Variants in TNRC18 observed in about 807,000 individuals in gnomAD.
TNRC18 encodes trinucleotide repeat containing 18, also known as trinucleotide repeat-containing gene 18 protein.
In TNRC18, 69 loss-of-function variants were observed where a neutral mutation model predicts 226.7. That is an observed-to-expected ratio of 0.30 (90% CI 0.25 to 0.37). The LOEUF (loss-of-function observed/expected upper bound fraction) is 0.37. Among genes scored for constraint, TNRC18 ranks in the 10% least tolerant of loss-of-function variants. The pLI is 1.00. For missense variants in TNRC18, 4,754 were observed against 4,256.6 expected, an observed-to-expected ratio of 1.12 and a Z score of -3.25; for synonymous variants, 2,449 against 1,927.6, an observed-to-expected ratio of 1.27 and a Z score of -7.09.
In TNRC18 at chr7:5,376,913, G is replaced by A; in HGVS notation, c.2542C>T (p.Gln848Ter). 6.2e-7 allele frequency: 1 copy of A among 1,607,890 alleles called. No individual in the cohort carries two copies. Among genetic ancestry groups the A allele is most frequent in the Non-Finnish European group, 8.5e-7 (1 of 1,177,248 alleles). The change falls in exon 8 of 30, where the codon CAG becomes TAG. Residue 848 changes from glutamine (Q) to a stop codon, truncating the protein, a stop_gained. Coordinates refer to ENST00000430969, the MANE Select transcript of TNRC18 (RefSeq NM_001080495.3). LOFTEE classifies it high-confidence loss of function. ...CCCGATTGGGGGTCCCTGACAAACTGGTAGGCTGACGGGAGGGAGCCCCCC... is the reference window on the plus strand; with the variant it reads ...CCCGATTGGGGGTCCCTGACAAACTAGTAGGCTGACGGGAGGGAGCCCCCC... ...GLGGSLPSAY[Q>*]FVRDPQSGQL...
intron 17 of TNRC18, among the ~76,000 whole-genome samples, chr7:5,351,533 GGAGA>G (rs1791815461): frequency 6.6e-6 from 1 of 152,138 alleles, no homozygotes; most frequent in African/African-American, 2.4e-5. Flanking sequence ...GAGGGCAAGT[GGAGA>G]GAAACGCAGA....
chr7:5,387,997 C>G lies in TNRC18; in HGVS notation c.1827G>C (p.Lys609Asn), dbSNP rs553905586. ...AVAVRPGGCG[K>N]KSPFGGLGTM... ...TGCCCAAACCTCCAAAGGGGCTCTT[C>G]TTGCCACAGCCACCAGGGCGCACGG... Residue 609 changes from lysine to asparagine, a missense_variant, in exon 5 of 30, where the codon AAG (lysine) becomes AAC (asparagine). Lys to Asn is a moderately conservative substitution (Grantham distance 94, BLOSUM62 0). Coordinates refer to ENST00000430969, the MANE Select transcript of TNRC18 (RefSeq NM_001080495.3). 6.3e-6 allele frequency: 10 copies of G among 1,587,726 alleles called. No homozygotes were observed. The African/African-American group carries it at 9.4e-5, about 15-fold the overall frequency.
chr7:5,361,042 C>T (rs1002628111), intron 14 of TNRC18, among the ~76,000 whole-genome samples: 3 of 152,190 alleles, frequency 2.0e-5, no homozygotes, highest in South Asian at 2.1e-4. Context: ...TTTCTGTGCA[C>T]GCCTCGCCCT....
At chr7:5,399,100 C>A (rs1210232117) in intron 2 of TNRC18, among the ~76,000 whole-genome samples, 1 of 152,174 alleles carries the variant, frequency 6.6e-6, no homozygotes, top group Non-Finnish European at 1.5e-5. Flanking sequence ...ATACTCCAAG[C>A]CCCCACAGTG....
Position 5,390,548 on chromosome 7 carries a change from G to A in TNRC18, c.424C>T (p.Leu142Phe), listed in dbSNP as rs376212123. ...CTGGGCTGACCCAGCTGGCTGAGGA[G>A]GGGGCTCCCACTGCTGGGGGGCTCC... ...HLEPPSSGSP[L>F]LSQLGQPSIF... is the part of the protein sequence containing the mutation. The change falls in exon 4 of 30, where the codon CTC becomes TTC. Residue 142 changes from leucine (L) to phenylalanine (F), a missense_variant. Physicochemically the swap from Leu to Phe is conservative, Grantham distance 22. Transcript: ENST00000430969. 11 of 1,613,488 alleles carry A rather than the reference G, an allele frequency of 6.8e-6. No individual in the cohort carries two copies. The East Asian group carries it at 1.3e-4, about 20-fold the overall frequency.
In TNRC18 at chr7:5,345,546, A is replaced by ACCCC; in HGVS notation, c.5719+15_5719+16insGGGG. On this transcript the variant is annotated intron_variant, in intron 18 of 29. Transcript: ENST00000430969. ...CTCCCACCCACCCCCACCGCAGCCC[A>ACCCC]CCTGCTGCCACTTACCCAGCAGGCT... is the stretch of plus-strand genomic sequence containing the variant. 3 of 183,202 alleles carry ACCCC rather than the reference A, an allele frequency of 1.6e-5. No individual in the cohort carries two copies. The highest frequency in any genetic ancestry group is 4.6e-5 in the South Asian group (1 of 21,670). 11.3% of individuals were successfully genotyped at this position (183,202 alleles called of 1,614,324 possible).
At chr7:5,347,989 TA>T (rs1401797159) in intron 17 of TNRC18, among the ~76,000 whole-genome samples, 3 of 151,974 alleles carry the variant, frequency 2.0e-5, no homozygotes, top group African/African-American at 4.8e-5. Context: ...TTTAAAAACA[TA>T]AAGAAGCCCC....
chr7:5,346,420 C>T lies in TNRC18; in HGVS notation c.5471-610G>A, dbSNP rs573136282. Among the ~76,000 whole-genome samples the T allele has an allele frequency of 6.6e-5, 10 of 152,230 alleles. No homozygotes were observed. In the East Asian group the frequency reaches 1.2e-3, roughly 18 times the overall value. ...GTCGACTCCTGGCATCGCTTGAACC[C>T]GGGAGGCGGAGGTTGCAGTGAGCTG... On this transcript the variant is annotated intron_variant, in intron 17 of 29. Coordinates refer to ENST00000430969, the MANE Select transcript of TNRC18 (RefSeq NM_001080495.3).
At chr7:5,398,470 A>T (rs1253874735) in intron 2 of TNRC18, among the ~76,000 whole-genome samples, 1 of 148,786 alleles carries the variant, frequency 6.7e-6, no homozygotes, top group Non-Finnish European at 1.5e-5. Flanking sequence ...GTGCCTGGCC[A>T]CCCAGCTAAT....
Position 5,351,957 on chromosome 7 carries a change from T to G in TNRC18, c.5332A>C (p.Thr1778Pro), listed in dbSNP as rs1293024909. The G allele has an allele frequency of 6.2e-7, 1 of 1,613,932 alleles. No individual in the cohort carries two copies. The highest frequency in any genetic ancestry group is 8.5e-7 in the Non-Finnish European group (1 of 1,179,882). Residue 1778 changes from threonine (T) to proline (P), a missense_variant, in exon 17 of 30, where the codon ACC (threonine) becomes CCC (proline). By Grantham distance (38) the Thr-to-Pro change is conservative (BLOSUM62 -1). Transcript: ENST00000430969. Reference sequence around the variant, plus strand: ...CGGGGGGCCGCCAGGCCCCTCTTGGTCAGCTTGGGGCCACCAGCTGCCTTG... The same window carrying G: ...CGGGGGGCCGCCAGGCCCCTCTTGGGCAGCTTGGGGCCACCAGCTGCCTTG... Reference protein sequence around the residue: ...NSKAAGGPKLTKRGLAAPRTL... With the variant: ...NSKAAGGPKLPKRGLAAPRTL...
chr7:5,335,846 A>AT (rs1790047821), intron 18 of TNRC18, among the ~76,000 whole-genome samples: 1 of 32,354 alleles, frequency 3.1e-5, no homozygotes, highest in African/African-American at 6.5e-5. Flanking sequence ...AAAAAAAAAA[A>AT]AAAAAAAAAA....
Position 5,390,842 on chromosome 7 carries a change from T to C in TNRC18, c.344-214A>G, listed in dbSNP as rs74903768. Among the ~76,000 whole-genome samples the C allele has an allele frequency of 0.17, 26,198 of 151,810 alleles. 3,735 individuals are homozygous for C. The highest frequency in any genetic ancestry group is 0.39 in the African/African-American group (16,005 of 41,304). On this transcript the variant is annotated intron_variant, in intron 3 of 29. Transcript: ENST00000430969. ...GCAGCCCTCACGGGGGACTGGGGTC[T>C]CCAGTCCCCCCCAGAAAGAGGATCA...
chr7:5,334,791 A>G (rs1163422464), intron 18 of TNRC18, among the ~76,000 whole-genome samples: 1 of 152,088 alleles, frequency 6.6e-6, no homozygotes, highest in East Asian at 1.9e-4. Context: ...TGTATGGTGC[A>G]GGGAGGGACA....
rs1779991371 is a variant in TNRC18, at chr7:5,388,457, G to A, written c.1367C>T (p.Pro456Leu). 13 of 1,446,302 alleles carry A rather than the reference G, an allele frequency of 9.0e-6. No homozygotes were observed. The highest frequency in any genetic ancestry group is 1.2e-5 in the Non-Finnish European group (13 of 1,112,186). The allele number at this position is 1,446,302 out of a possible 1,614,324, so 89.6% of individuals were successfully genotyped here. A position where few individuals can be genotyped will look rare whatever the true frequency, so the allele number is the denominator to read the frequency against. Residue 456 changes from proline (P) to leucine (L), a missense_variant, in exon 5 of 30, where the codon CCC becomes CTC. Transcript: ENST00000430969. ...CTCCTTGGCAGGCACGTAGGCGCGG[G>A]GGTCCGGGGAGGCGCGTGTGGCCCG... is the stretch of plus-strand genomic sequence containing the variant. ...TVRATRASPD[P>L]RAYVPAKELL...
intron 17 of TNRC18, among the ~76,000 whole-genome samples, chr7:5,350,799 C>A (rs910317919): frequency 6.6e-6 from 1 of 152,146 alleles, no homozygotes; most frequent in South Asian, 2.1e-4. Flanking sequence ...TGGCTGAGGA[C>A]CCCGGGCTGG....
chr7:5,327,612 GA>G (rs1022645009), intron 19 of TNRC18, among the ~76,000 whole-genome samples: 1 of 149,644 alleles, frequency 6.7e-6, no homozygotes, highest in Non-Finnish European at 1.5e-5. Context: ...AATGACAGCA[GA>G]AAAAAAAAGG....
Position 5,396,561 on chromosome 7 carries a change from C to G in TNRC18, c.188-1966G>C, listed in dbSNP as rs530445833. Among the ~76,000 whole-genome samples, 60 of 152,254 alleles carry G rather than the reference C, an allele frequency of 3.9e-4. No individual in the cohort carries two copies. In the South Asian group the frequency reaches 4.4e-3, roughly 11 times the overall value. The stretch of plus-strand genomic sequence containing the variant: ...AAATAATAACAATAACCAGCCATGG[C>G]ACCCATTCGCTAAAAGCTGGAATGC... On this transcript the variant is annotated intron_variant, in intron 2 of 29. Coordinates refer to ENST00000430969, the MANE Select transcript of TNRC18 (RefSeq NM_001080495.3).
chr7:5,361,500 T>C (rs1793044654), intron 14 of TNRC18, 94 bp downstream of exon 14: 2 of 1,378,226 alleles, frequency 1.5e-6, no homozygotes, highest in Admixed American at 6.3e-5. Context: ...GGACGCGAGG[T>C]CCCCCAGCAC....
chr7:5,418,510 G>C (rs968240835), intron 2 of TNRC18, among the ~76,000 whole-genome samples: 1 of 152,126 alleles, frequency 6.6e-6, no homozygotes. Flanking sequence ...TCTCTCCAGG[G>C]AACCTCCCTC....
Sources: allele counts gnomAD v4.1 joint callset (sites outside exome capture counted in the v4.1 genomes callset), GRCh38; gene constraint gnomAD v4.1.1; transcripts MANE v1.5; gene names NCBI Gene and HGNC (gene_info 2026-07-23, HGNC 2026-07-21).